CLEC16A: variants seen among roughly 807,000 people sequenced by gnomAD.
CLEC16A encodes protein CLEC16A.
Under a neutral mutation model 109.5 loss-of-function variants are expected in CLEC16A, and 51 were observed. The observed-to-expected ratio is 0.47, with a 90% CI of 0.37 to 0.59. The LOEUF (loss-of-function observed/expected upper bound fraction) is 0.59. Among genes scored for constraint, CLEC16A ranks in the 20% least tolerant of loss-of-function variants. The pLI, the probability that CLEC16A is intolerant of heterozygous loss-of-function variation, is 0.00. For missense variants in CLEC16A, 1,339 were observed against 1,394.0 expected (o/e 0.96, Z 0.63); for synonymous variants, 673 against 564.2 (o/e 1.19, Z -2.73).
At chr16:11,060,800 C>G in intron 18 of CLEC16A, 102 bp from the exon 19 acceptor site, 1 of 1,231,418 alleles carries the variant, frequency 8.1e-7, no homozygotes, top group South Asian at 2.1e-5. Context: ...GCGTTTCTTT[C>G]TTTTTTAATA....
chr16:10,968,092 G>A (rs976509624), intron 3 of CLEC16A, among the ~76,000 whole-genome samples: 3 of 152,204 alleles, frequency 2.0e-5, no homozygotes, highest in Non-Finnish European at 2.9e-5. Flanking sequence ...CCTGGGGGCC[G>A]GGCAGGTGAG....
At chr16:11,123,592 A>G in intron 20 of CLEC16A, 150 bp from the exon 21 acceptor site, 2 of 725,736 alleles carry the variant, frequency 2.8e-6, no homozygotes, top group Non-Finnish European at 4.6e-6. Flanking sequence ...CCCATCCATG[A>G]CTCTGTTGGA....
chr16:11,092,765 A>G (rs903571942), intron 19 of CLEC16A, among the ~76,000 whole-genome samples: 3 of 152,310 alleles, frequency 2.0e-5, no homozygotes, highest in Admixed American at 6.5e-5. Context: ...TCTGTCGTCT[A>G]TGAGCTGTAT....
intron 2 of CLEC16A, among the ~76,000 whole-genome samples, chr16:10,959,892 C>T (rs1473396855): frequency 6.6e-6 from 1 of 151,978 alleles, no homozygotes; most frequent in Non-Finnish European, 1.5e-5. Flanking sequence ...GGATTACAGG[C>T]ATGAGCTACT....
chr16:11,032,580 G>T (rs1218778757), intron 13 of CLEC16A, among the ~76,000 whole-genome samples: 1 of 152,230 alleles, frequency 6.6e-6, no homozygotes, highest in Non-Finnish European at 1.5e-5. Flanking sequence ...AGAAGGAAAT[G>T]AACAGGGTGG....
At chr16:11,084,308 T>G (rs2049893312) in intron 19 of CLEC16A, among the ~76,000 whole-genome samples, 1 of 152,154 alleles carries the variant, frequency 6.6e-6, no homozygotes, top group South Asian at 2.1e-4. Flanking sequence ...CATTTCCCAC[T>G]GTGTGTGATT....
chr16:11,015,718 G>A (rs993308885), intron 11 of CLEC16A, among the ~76,000 whole-genome samples: 1 of 152,244 alleles, frequency 6.6e-6, no homozygotes, highest in Non-Finnish European at 1.5e-5. Flanking sequence ...GGTGTCCAAC[G>A]AGATTAAGCC....
At chr16:11,140,790 G>C (rs1379289932) in intron 22 of CLEC16A, among the ~76,000 whole-genome samples, 1 of 152,204 alleles carries the variant, frequency 6.6e-6, no homozygotes, top group Non-Finnish European at 1.5e-5. Context: ...TTGCAATCAA[G>C]AGGCTAGGGC....
intron 23 of CLEC16A, among the ~76,000 whole-genome samples, chr16:11,169,792 C>T (rs1045841667): frequency 1.3e-5 from 2 of 152,238 alleles, no homozygotes; most frequent in African/African-American, 4.8e-5. Flanking sequence ...CACCAATCAG[C>T]CTAGGCTCCT....
intron 22 of CLEC16A, among the ~76,000 whole-genome samples, chr16:11,164,420 G>A (rs898977868): frequency 3.3e-5 from 5 of 152,176 alleles, no homozygotes; most frequent in Admixed American, 6.5e-5. Flanking sequence ...TTGATGGCCC[G>A]GAGAAGAGTC....
At chr16:11,018,145 A>C (rs956634492) in intron 11 of CLEC16A, among the ~76,000 whole-genome samples, 1 of 151,812 alleles carries the variant, frequency 6.6e-6, no homozygotes, top group Non-Finnish European at 1.5e-5. Flanking sequence ...CCATCTCTAC[A>C]AATACTAAAA....
chr16:11,010,703 T>C lies in CLEC16A; in HGVS notation c.1303+7398T>C, dbSNP rs2045350806. ...ATTCTCCTGCTGTGTTCTTGTTGTATTGGCCTAATAATGTCTTTCTAGCAT... is the reference window on the plus strand; with the variant it reads ...ATTCTCCTGCTGTGTTCTTGTTGTACTGGCCTAATAATGTCTTTCTAGCAT... On this transcript the variant is annotated intron_variant, in intron 11 of 23. Transcript: ENST00000409790. Among the ~76,000 whole-genome samples the C allele has an allele frequency of 2.6e-5, 4 of 152,178 alleles. No individual in the cohort carries two copies. The South Asian group carries it at 8.3e-4, about 32-fold the overall frequency.
In CLEC16A at chr16:10,954,417, T is replaced by A. The variant is rs7185978; in HGVS notation, c.81-3365T>A. Among the ~76,000 whole-genome samples the A allele has an allele frequency of 0.23, 35,438 of 152,106 alleles. 5,270 individuals are homozygous for A. Among genetic ancestry groups the A allele is most frequent in the African/African-American group, 0.43 (17,740 of 41,442 alleles). On this transcript the variant is annotated intron_variant, in intron 1 of 23. Coordinates refer to ENST00000409790, the MANE Select transcript of CLEC16A (RefSeq NM_015226.3). This position sits in a 1 kb window ranked among gnomAD's most constrained non-coding sequence, Gnocchi z 4.2. ...TAAGGGCCTTCTGGTAGTTACTAGG[T>A]CTTTTTCCCCCAGAAATTATTTAAT... is the stretch of plus-strand genomic sequence containing the variant.
intron 2 of CLEC16A, among the ~76,000 whole-genome samples, chr16:10,960,874 A>C (rs926745429): frequency 6.6e-6 from 1 of 152,188 alleles, no homozygotes; most frequent in African/African-American, 2.4e-5. Context: ...GAGCTCTTTC[A>C]GGCTGGTTCT....
intron 19 of CLEC16A, among the ~76,000 whole-genome samples, chr16:11,099,695 C>G (rs1409928110): frequency 6.6e-6 from 1 of 152,160 alleles, no homozygotes; most frequent in Non-Finnish European, 1.5e-5. Flanking sequence ...CAGGCGTCCT[C>G]GTCTGGAACT....
intron 19 of CLEC16A, among the ~76,000 whole-genome samples, chr16:11,102,565 C>G (rs1334302161): frequency 6.6e-6 from 1 of 152,220 alleles, no homozygotes; most frequent in East Asian, 1.9e-4. Flanking sequence ...TTTAGACATT[C>G]TTTCCCATCA....
At chr16:11,121,308 C>T (rs2052393904) in intron 20 of CLEC16A, among the ~76,000 whole-genome samples, 1 of 152,204 alleles carries the variant, frequency 6.6e-6, no homozygotes, top group African/African-American at 2.4e-5. Context: ...CAGTTTTCTG[C>T]TATTTCAGCA....
intron 13 of CLEC16A, among the ~76,000 whole-genome samples, chr16:11,034,463 A>G (rs962856006): frequency 1.3e-5 from 2 of 152,222 alleles, no homozygotes; most frequent in African/African-American, 4.8e-5. Flanking sequence ...CTAAGGGGGA[A>G]GAATCCAGAT....
chr16:11,157,279 G>T, intron 22 of CLEC16A: 2 of 1,166,302 alleles, frequency 1.7e-6, no homozygotes, highest in Non-Finnish European at 2.2e-6. Flanking sequence ...CATGGTGGCA[G>T]CTCAGGCTTG....
Sources: allele counts gnomAD v4.1 joint callset (sites outside exome capture counted in the v4.1 genomes callset), GRCh38; gene constraint gnomAD v4.1.1; non-coding constraint Gnocchi (gnomAD v3.1); transcripts MANE v1.5; gene names NCBI Gene and HGNC (gene_info 2026-07-23, HGNC 2026-07-21).